Variants in RBM33 observed in about 807,000 individuals in gnomAD.
RBM33 encodes RNA binding motif protein 33.
In RBM33, 28 loss-of-function variants were observed where a neutral mutation model predicts 132.6. The ratio of observed to expected loss-of-function variants is 0.21; its 90% confidence interval spans 0.16 to 0.29. RBM33 has a LOEUF of 0.29. RBM33 is among the 10% of genes least tolerant of loss of function. RBM33 has a pLI of 1.00. For synonymous variants in RBM33, 634 were observed against 593.0 expected, an observed-to-expected ratio of 1.07 and a Z score of -1.01; for missense variants, 1,291 against 1,518.5, an observed-to-expected ratio of 0.85 and a Z score of 2.49.
At chr7:155,719,558 C>G (rs571867405) in intron 9 of RBM33, among the ~76,000 whole-genome samples, 2 of 152,178 alleles carry the variant, frequency 1.3e-5, no homozygotes, top group East Asian at 1.9e-4. Flanking sequence ...TTACCAAGTT[C>G]TAAAAATTAG....
chr7:155,649,264 C>G (rs1208946765), intron 1 of RBM33, among the ~76,000 whole-genome samples: 1 of 152,132 alleles, frequency 6.6e-6, no homozygotes, highest in East Asian at 1.9e-4. Flanking sequence ...ACGTTTATCT[C>G]AATTTGTAAT....
intron 9 of RBM33, among the ~76,000 whole-genome samples, chr7:155,732,519 CT>C (rs1372614388): frequency 3.3e-5 from 5 of 152,234 alleles, no homozygotes; most frequent in African/African-American, 1.2e-4. Flanking sequence ...GGGCTGACGG[CT>C]TGTCAGCCCA....
intron 14 of RBM33, among the ~76,000 whole-genome samples, chr7:155,756,731 T>C (rs978104901): frequency 6.6e-6 from 1 of 152,112 alleles, no homozygotes; most frequent in Non-Finnish European, 1.5e-5. Flanking sequence ...TTGGAGTGAA[T>C]GGTAAAACCC....
chr7:155,729,269 G>C (rs147132401), intron 9 of RBM33, among the ~76,000 whole-genome samples: 2 of 152,252 alleles, frequency 1.3e-5, no homozygotes, highest in South Asian at 4.1e-4. Flanking sequence ...CCCTCCACTC[G>C]TGGGGATTAC....
At chr7:155,678,741 G>A in intron 4 of RBM33, 57 bp downstream of exon 4, 1 of 842,072 alleles carries the variant, frequency 1.2e-6, no homozygotes, top group Non-Finnish European at 1.9e-6. Context: ...GATAGGAACT[G>A]TTATTTATAA....
Position 155,743,859 on chromosome 7 carries a change from C to T in RBM33, c.2338-1102C>T, listed in dbSNP as rs551066056. ...TGAATATGTCCCCAGCCGTCTGCTT[C>T]CCCGATGCCCATGTCCCTTGTGCCC... On this transcript the variant is annotated intron_variant, in intron 13 of 17. Coordinates refer to ENST00000401878, the MANE Select transcript of RBM33 (RefSeq NM_053043.3). Among the ~76,000 whole-genome samples, 6 of 152,324 alleles carry T rather than the reference C, an allele frequency of 3.9e-5. No homozygotes were observed. The South Asian group carries it at 8.3e-4, about 21-fold the overall frequency.
In RBM33 at chr7:155,779,423, A is replaced by C. The variant is rs1802738557; in HGVS notation, c.*4382A>C. Reference sequence around the variant, plus strand: ...GAGGCTTAGATACTTTAGTGTATTTAAAGAGCATTTCAGTTAACTTTTTCA... The same window carrying C: ...GAGGCTTAGATACTTTAGTGTATTTCAAGAGCATTTCAGTTAACTTTTTCA... On this transcript the variant is annotated 3_prime_UTR_variant, in exon 18 of 18. Transcript: ENST00000401878. The C allele has an allele frequency of 6.6e-6, 1 of 152,188 alleles. No homozygotes were observed. The highest frequency in any genetic ancestry group is 1.5e-5 in the Non-Finnish European group (1 of 68,044). The allele number at this position is 152,188 out of a possible 1,614,324, so 9.4% of individuals were successfully genotyped here. A position where few individuals can be genotyped will look rare whatever the true frequency, so the allele number is the denominator to read the frequency against.
intron 16 of RBM33, among the ~76,000 whole-genome samples, chr7:155,768,766 G>A (rs923212058): frequency 6.6e-6 from 1 of 152,162 alleles, no homozygotes; most frequent in African/African-American, 2.4e-5. Flanking sequence ...ACAGACGCGT[G>A]CCACGCCTGG....
chr7:155,759,900 C>T (rs1225689326), intron 14 of RBM33, among the ~76,000 whole-genome samples: 1 of 152,200 alleles, frequency 6.6e-6, no homozygotes, highest in African/African-American at 2.4e-5. Flanking sequence ...GTTCTGTGAA[C>T]ATCGTTCCCT....
intron 3 of RBM33, among the ~76,000 whole-genome samples, chr7:155,673,436 GTGTGTA>G (rs1199407607): frequency 5.1e-5 from 5 of 98,378 alleles, no homozygotes; most frequent in African/African-American, 1.3e-4. Context: ...GTGTGTGTGT[GTGTGTA>G]TGTGTATATA....
chr7:155,711,025 C>G, intron 7 of RBM33, 178 bp from the exon 8 acceptor site: 13 of 864,286 alleles, frequency 1.5e-5, no homozygotes, highest in Non-Finnish European at 1.6e-6. Context: ...AGAGAAGCTT[C>G]TTTATCCTGC....
chr7:155,741,695 T>C, intron 12 of RBM33, 124 bp from the exon 13 acceptor site: 2 of 900,170 alleles, frequency 2.2e-6, no homozygotes, highest in South Asian at 1.8e-5. Flanking sequence ...AAGTATCTGC[T>C]CCCCAAAAGA....
In RBM33 at chr7:155,776,600, G is replaced by A. The variant is rs1802619969; in HGVS notation, c.*1559G>A. ...CTAAAGTGGCGTTTGCTGTGTGCTT[G>A]AGAGTAACACTGCACGCTGCAGGGG... On this transcript the variant is annotated 3_prime_UTR_variant, in exon 18 of 18. Coordinates refer to ENST00000401878, the MANE Select transcript of RBM33 (RefSeq NM_053043.3). The surrounding 1 kb of genome is among the most constrained non-coding windows in gnomAD (Gnocchi z 4.0). 1 of 152,260 alleles carries A rather than the reference G, an allele frequency of 6.6e-6. No individual in the cohort carries two copies. Among genetic ancestry groups the A allele is most frequent in the African/African-American group, 2.4e-5 (1 of 41,460 alleles). The allele number at this position is 152,260 out of a possible 1,614,324, so 9.4% of individuals were successfully genotyped here.
chr7:155,704,338 C>A (rs1474707012), intron 6 of RBM33, among the ~76,000 whole-genome samples: 1 of 152,080 alleles, frequency 6.6e-6, no homozygotes, highest in Non-Finnish European at 1.5e-5. Flanking sequence ...ACAGTGTTCT[C>A]GGTTTTCCCA....
chr7:155,683,685 A>G (rs368583583), intron 5 of RBM33, among the ~76,000 whole-genome samples: 1 of 152,188 alleles, frequency 6.6e-6, no homozygotes, highest in Non-Finnish European at 1.5e-5. Context: ...TTGTGATTTC[A>G]TTTGAAAATG....
chr7:155,674,893 C>A (rs1675752826), intron 3 of RBM33, among the ~76,000 whole-genome samples: 1 of 152,036 alleles, frequency 6.6e-6, no homozygotes, highest in Admixed American at 6.6e-5. Flanking sequence ...ATGCATTGTA[C>A]CTTATAGGAA....
chr7:155,701,275 G>C (rs1178834429), intron 6 of RBM33: 1 of 428,946 alleles, frequency 2.3e-6, no homozygotes, highest in African/African-American at 2.0e-5. Flanking sequence ...GGTAGCTATG[G>C]GGCCAGGTTG....
At chr7:155,731,545 T>C (rs982658598) in intron 9 of RBM33, among the ~76,000 whole-genome samples, 1 of 152,224 alleles carries the variant, frequency 6.6e-6, no homozygotes, top group Non-Finnish European at 1.5e-5. Context: ...AAGTGACTAA[T>C]GGGCTAGCAG....
At position 155,706,892 on chromosome 7, in the gene RBM33, G is replaced by A; in HGVS notation, c.772G>A (p.Glu258Lys). 1 of 1,606,734 alleles carries A rather than the reference G, an allele frequency of 6.2e-7. No individual in the cohort carries two copies. Among genetic ancestry groups the A allele is most frequent in the Non-Finnish European group, 8.5e-7 (1 of 1,176,776 alleles). ...AGCAGAGGCCAAGGCAGCATTGCTT[G>A]AATTTGAAGAAAGGGAGCGACAGCA... ...LSAEAKAALL[E>K]FEERERQHKQ... is the part of the protein sequence containing the mutation. The change falls in exon 7 of 18, where the codon GAA becomes AAA. Residue 258 changes from glutamate (E) to lysine (K), a missense_variant. Coordinates refer to ENST00000401878, the MANE Select transcript of RBM33 (RefSeq NM_053043.3).
Sources: gnomAD v4.1 joint callset for allele counts (sites outside exome capture counted in the v4.1 genomes callset) on GRCh38, gnomAD v4.1.1 for gene constraint, Gnocchi (gnomAD v3.1) non-coding constraint, MANE v1.5 for transcripts, NCBI Gene and HGNC (gene_info 2026-07-23, HGNC 2026-07-21) for gene names.